The following TMCC3 variants were observed in gnomAD, a reference collection of about 807,000 sequenced individuals.
TMCC3 encodes transmembrane and coiled-coil domain family 3, also known as transmembrane and coiled-coil domain protein 3.
A neutral mutation model predicts 40.2 loss-of-function variants in TMCC3; 28 were observed. That is an observed-to-expected ratio of 0.70 (90% CI 0.52 to 0.95). TMCC3 has a LOEUF of 0.95. Among genes scored for constraint, TMCC3 ranks in the 40% least tolerant of loss-of-function variants. The pLI is 0.00. For missense variants in TMCC3, 554 were observed against 615.2 expected, an observed-to-expected ratio of 0.90 and a Z score of 1.05; for synonymous variants, 255 against 248.5, an observed-to-expected ratio of 1.03 and a Z score of -0.25.
intron 3 of TMCC3, among the ~76,000 whole-genome samples, chr12:94,574,545 G>A (rs1012311261): frequency 1.3e-5 from 2 of 152,130 alleles, no homozygotes; most frequent in Non-Finnish European, 2.9e-5. Context: ...CACCTTTTCA[G>A]GTTTTAAACA....
chr12:94,574,392 CA>C (rs142348445), intron 3 of TMCC3, among the ~76,000 whole-genome samples: 23 of 141,964 alleles, frequency 1.6e-4, no homozygotes, highest in South Asian at 4.5e-4. Flanking sequence ...TCTCAAAAAA[CA>C]AAAAAAAAAA....
chr12:94,591,893 C>T lies in TMCC3; in HGVS notation c.79-9355G>A, dbSNP rs557730847. Among the ~76,000 whole-genome samples, 27 of 152,302 alleles carry T rather than the reference C, an allele frequency of 1.8e-4. No individual in the cohort carries two copies. The South Asian group carries it at 4.3e-3, about 25-fold the overall frequency. The stretch of plus-strand genomic sequence containing the variant: ...TGAACAGGGAAGCTAACTGAACCAC[C>T]GGATCCCAGCATCCTTGCTAACAGA... On this transcript the variant is annotated intron_variant, in intron 1 of 3. Transcript: ENST00000261226.
chr12:94,586,301 AT>A (rs2138831342), intron 1 of TMCC3, among the ~76,000 whole-genome samples: 1 of 152,366 alleles, frequency 6.6e-6, no homozygotes, highest in East Asian at 1.9e-4. Flanking sequence ...AGCTGAACAC[AT>A]TGTGTGACCA....
chr12:94,615,879 T>C (rs2292007), intron 1 of TMCC3: 348,499 of 967,212 alleles, frequency 0.36, 63,860 homozygotes, highest in Admixed American at 0.45. Context: ...ACAATACATA[T>C]TTACACACTC....
chr12:94,567,710 T>C lies in TMCC3; in HGVS notation c.*3725A>G, dbSNP rs2068503191. 6.6e-6 allele frequency: 1 copy of C among 152,324 alleles called. No individual in the cohort carries two copies. Among genetic ancestry groups the C allele is most frequent in the African/African-American group, 2.4e-5 (1 of 41,564 alleles). The allele number at this position is 152,324 out of a possible 1,614,324, so 9.4% of individuals were successfully genotyped here. A position where few individuals can be genotyped will look rare whatever the true frequency, so the allele number is the denominator to read the frequency against. On this transcript the variant is annotated 3_prime_UTR_variant, in exon 4 of 4. Coordinates refer to ENST00000261226, the MANE Select transcript of TMCC3 (RefSeq NM_020698.4). ...GCCCTGAATTTTAAGTGGTGCCATTTCTTCCTACCCCCAGCCCACTCCTCA... is the reference window on the plus strand; with the variant it reads ...GCCCTGAATTTTAAGTGGTGCCATTCCTTCCTACCCCCAGCCCACTCCTCA...
At position 94,630,067 on chromosome 12, in the gene TMCC3, A is replaced by G. The variant is rs1594295444; in HGVS notation, c.78+20286T>C. ...AATCACTTGAGGTCAGGAGTCCGAG[A>G]CCAGCCTGGCCAACATGGCAAAACC... On this transcript the variant is annotated intron_variant, in intron 1 of 3. Coordinates refer to ENST00000261226, the MANE Select transcript of TMCC3 (RefSeq NM_020698.4). 2.0e-5 allele frequency among the ~76,000 whole-genome samples: 3 copies of G among 152,182 alleles called. No individual in the cohort carries two copies. In the South Asian group the frequency reaches 6.2e-4, roughly 32 times the overall value.
chr12:94,593,100 G>A (rs1189441162), intron 1 of TMCC3, among the ~76,000 whole-genome samples: 4 of 151,916 alleles, frequency 2.6e-5, no homozygotes, highest in African/African-American at 7.3e-5. Context: ...GAAAGGCTGC[G>A]GCAGGAGAAT....
intron 1 of TMCC3, among the ~76,000 whole-genome samples, chr12:94,607,637 C>A (rs2068791732): frequency 6.6e-6 from 1 of 152,172 alleles, no homozygotes; most frequent in African/African-American, 2.4e-5. Flanking sequence ...AACTGCTGAC[C>A]TCAAGTGATC....
intron 1 of TMCC3, among the ~76,000 whole-genome samples, chr12:94,603,874 A>C (rs142787715): frequency 6.6e-6 from 1 of 151,890 alleles, no homozygotes; most frequent in African/African-American, 2.4e-5. Flanking sequence ...ACAAATGCAC[A>C]ATGAATAAAT....
Position 94,570,975 on chromosome 12 carries a change from C to CGT in TMCC3, c.*459_*460insAC. The CGT allele has an allele frequency of 5.6e-6, 1 of 178,056 alleles. No homozygotes were observed. Among genetic ancestry groups the CGT allele is most frequent in the East Asian group, 1.5e-4 (1 of 6,764 alleles). The allele number at this position is 178,056 out of a possible 1,614,324, so 11.0% of individuals were successfully genotyped here. On this transcript the variant is annotated 3_prime_UTR_variant, in exon 4 of 4. Coordinates refer to ENST00000261226, the MANE Select transcript of TMCC3 (RefSeq NM_020698.4). ...GGTGGATCACACGGGGACCATAGGC[C>CGT]ACAGTGTTTAACACTGCCCAAGCCT...
rs549249535 is a variant in TMCC3, at chr12:94,650,393, G to C, written c.38C>G (p.Thr13Ser). 8.9e-5 allele frequency: 120 copies of C among 1,343,002 alleles called. 7 individuals are homozygous for C. In the South Asian group the frequency reaches 1.5e-3, roughly 17 times the overall value. The allele number at this position is 1,343,002 out of a possible 1,614,324, so 83.2% of individuals were successfully genotyped here. ...GTGGTGCCGGCCGGGGTACGAGTAG[G>C]TCCGGTCCACGGTGAGCGCCGTGTC... ...GSDTALTVDR[T>S]YSYPGRHHRC... is the part of the protein sequence containing the mutation. Residue 13 changes from threonine (T) to serine (S), a missense_variant, in exon 1 of 4, where the codon ACC (threonine) becomes AGC (serine). Transcript: ENST00000261226.
intron 1 of TMCC3, among the ~76,000 whole-genome samples, chr12:94,586,222 T>C (rs1022735914): frequency 2.6e-5 from 4 of 152,242 alleles, no homozygotes; most frequent in African/African-American, 4.8e-5. Flanking sequence ...AATTGAAGCA[T>C]AATTTATACT....
chr12:94,599,570 C>CACA (rs1555283534), intron 1 of TMCC3, among the ~76,000 whole-genome samples: 6 of 146,284 alleles, frequency 4.1e-5, no homozygotes, highest in Non-Finnish European at 6.1e-5. Flanking sequence ...CCCCCCCCGC[C>CACA]CACACACACA....
intron 1 of TMCC3, among the ~76,000 whole-genome samples, chr12:94,599,897 T>C (rs2068742256): frequency 6.6e-6 from 1 of 151,974 alleles, no homozygotes; most frequent in African/African-American, 2.4e-5. Flanking sequence ...TTTTTGAGAG[T>C]ATTATGGCAT....
In TMCC3 at chr12:94,650,488, C is replaced by G. The variant is rs1025610048; in HGVS notation, c.-58G>C. 4.1e-6 allele frequency: 5 copies of G among 1,207,120 alleles called. No individual in the cohort carries two copies. In the African/African-American group the frequency reaches 4.8e-5, roughly 12 times the overall value. 74.8% of individuals were successfully genotyped at this position (1,207,120 alleles called of 1,614,324 possible). A position where few individuals can be genotyped will look rare whatever the true frequency, so the allele number is the denominator to read the frequency against. Reference sequence around the variant, plus strand: ...CTGGGGCTGCCGCGCCGCGAGCCACCGGCTGTGCTCGGGATCACCCTGGGA... The same window carrying G: ...CTGGGGCTGCCGCGCCGCGAGCCACGGGCTGTGCTCGGGATCACCCTGGGA... On this transcript the variant is annotated 5_prime_UTR_variant, in exon 1 of 4. Coordinates refer to ENST00000261226, the MANE Select transcript of TMCC3 (RefSeq NM_020698.4).
chr12:94,633,670 C>G (rs1442655494), intron 1 of TMCC3, among the ~76,000 whole-genome samples: 1 of 152,178 alleles, frequency 6.6e-6, no homozygotes, highest in African/African-American at 2.4e-5. Flanking sequence ...TTAACAACCA[C>G]AGCAATCATA....
intron 1 of TMCC3, among the ~76,000 whole-genome samples, chr12:94,628,854 T>C (rs547780468): frequency 6.6e-6 from 1 of 152,324 alleles, no homozygotes; most frequent in Admixed American, 6.5e-5. Context: ...ACGAAGGGAC[T>C]AAAATCACTG....
chr12:94,576,823 C>T (rs2068567998), intron 3 of TMCC3, among the ~76,000 whole-genome samples: 1 of 152,120 alleles, frequency 6.6e-6, no homozygotes, highest in African/African-American at 2.4e-5. Flanking sequence ...GGGGTTGTTT[C>T]ACTACGTGCT....
chr12:94,582,490 G>A lies in TMCC3; in HGVS notation c.127C>T (p.Arg43Ter), dbSNP rs778435583. The A allele has an allele frequency of 6.8e-6, 11 of 1,613,502 alleles. No homozygotes were observed. The highest frequency in any genetic ancestry group is 2.7e-5 in the African/African-American group (2 of 74,808). ...TTGAGGTTGGTGTCTGACCCCCCTCGGCGTATGTTCAGGGGCAGGCTTAAG... is the reference window on the plus strand; with the variant it reads ...TTGAGGTTGGTGTCTGACCCCCCTCAGCGTATGTTCAGGGGCAGGCTTAAG... ...NTLSLPLNIR[R>*]GGSDTNLNFD... Residue 43 changes from arginine (R) to a stop codon, truncating the protein, a stop_gained, in exon 2 of 4, where the codon CGA becomes TGA. Coordinates refer to ENST00000261226, the MANE Select transcript of TMCC3 (RefSeq NM_020698.4). LOFTEE classifies it high-confidence loss of function.
Sources: gnomAD v4.1 joint callset for allele counts (sites outside exome capture counted in the v4.1 genomes callset) on GRCh38, gnomAD v4.1.1 for gene constraint, MANE v1.5 for transcripts, NCBI Gene and HGNC (gene_info 2026-07-23, HGNC 2026-07-21) for gene names.